Variants in TLL1 observed in about 807,000 individuals in gnomAD.
TLL1 encodes the protein tolloid like 1.
Under a neutral mutation model 128.2 loss-of-function variants are expected in TLL1, and 49 were observed. The observed-to-expected ratio is 0.38, with a 90% CI of 0.30 to 0.48. The LOEUF is 0.48. TLL1 is among the 20% of genes least tolerant of loss of function. The pLI, the probability that TLL1 is intolerant of heterozygous loss-of-function variation, is 0.96. For synonymous variants in TLL1, 454 were observed against 418.8 expected, an observed-to-expected ratio of 1.08 and a Z score of -1.03; for missense variants, 1,123 against 1,242.0, an observed-to-expected ratio of 0.90 and a Z score of 1.44.
intron 15 of TLL1, among the ~76,000 whole-genome samples, chr4:166,065,012 A>C (rs1740506445): frequency 6.6e-6 from 1 of 152,190 alleles, no homozygotes; most frequent in South Asian, 2.1e-4. Context: ...TATTATGGAA[A>C]CATCTGTTAG....
chr4:165,963,608 AAAGGT>A (rs1214119922), intron 1 of TLL1, among the ~76,000 whole-genome samples: 8 of 152,198 alleles, frequency 5.3e-5, no homozygotes, highest in Admixed American at 4.6e-4. Context: ...ATTAACAAGA[AAAGGT>A]AATCCAGGGG....
At chr4:165,874,206 C>A (rs1016733296) in intron 1 of TLL1, 133 bp downstream of exon 1, 20 of 1,111,990 alleles carry the variant, frequency 1.8e-5, no homozygotes, top group Middle Eastern at 2.9e-4. Flanking sequence ...CTTCTCTCCC[C>A]CTCCTTTTCC....
At chr4:165,923,412 T>C (rs191063013) in intron 1 of TLL1, among the ~76,000 whole-genome samples, 7 of 146,722 alleles carry the variant, frequency 4.8e-5, no homozygotes, top group East Asian at 4.2e-4. Context: ...ATCGGAAATA[T>C]AGGTATACCT....
At chr4:166,063,981 A>C (rs1740459576) in intron 15 of TLL1, among the ~76,000 whole-genome samples, 1 of 151,830 alleles carries the variant, frequency 6.6e-6, no homozygotes, top group South Asian at 2.1e-4. Context: ...GTACCCTAGA[A>C]CTTAAAGTAT....
chr4:166,050,925 TCTTC>T (rs1220674157), intron 12 of TLL1, among the ~76,000 whole-genome samples: 6 of 152,238 alleles, frequency 3.9e-5, no homozygotes, highest in Non-Finnish European at 1.5e-5. Context: ...TTGTACATGT[TCTTC>T]CTTCTTTGTG....
At chr4:166,025,221 G>A in intron 8 of TLL1, 95 bp from the exon 9 acceptor site, 2 of 855,792 alleles carry the variant, frequency 2.3e-6, no homozygotes, top group Non-Finnish European at 2.0e-6. Context: ...ATTTAGTCTT[G>A]TCTACTACCA....
At chr4:166,004,537 G>T (rs1450402683) in intron 6 of TLL1, among the ~76,000 whole-genome samples, 2 of 152,052 alleles carry the variant, frequency 1.3e-5, no homozygotes, top group African/African-American at 4.8e-5. Context: ...AGTAATATAT[G>T]TTGAAAATAC....
intron 1 of TLL1, among the ~76,000 whole-genome samples, chr4:165,889,466 A>G (rs934399192): frequency 4.6e-5 from 7 of 152,210 alleles, no homozygotes; most frequent in African/African-American, 1.7e-4. Context: ...CTTTCACTTG[A>G]AAAGATTCAA....
chr4:166,088,977 G>T (rs1431604447), intron 18 of TLL1, among the ~76,000 whole-genome samples: 3 of 152,126 alleles, frequency 2.0e-5, no homozygotes, highest in African/African-American at 7.2e-5. Context: ...TCTGATTCCA[G>T]CTTTAGCCAT....
intron 2 of TLL1, 118 bp from the exon 3 acceptor site, chr4:165,992,686 A>G (rs1010867557): frequency 1.1e-6 from 1 of 898,660 alleles, no homozygotes; most frequent in African/African-American, 1.7e-5. Context: ...CATAATTTCA[A>G]CACTTTAAGA....
At position 165,931,153 on chromosome 4, in the gene TLL1, A is replaced by G. The variant is rs546244040; in HGVS notation, c.169+57080A>G. ...AAATATCATTTGTAATTTATTTCAT[A>G]GGTTTATGGACACAACAATAATTAT... On this transcript the variant is annotated intron_variant, in intron 1 of 20. Coordinates refer to ENST00000061240, the MANE Select transcript of TLL1 (RefSeq NM_012464.5). 5.4e-4 allele frequency among the ~76,000 whole-genome samples: 82 copies of G among 152,346 alleles called. No individual in the cohort carries two copies. In the South Asian group the frequency reaches 0.014, roughly 26 times the overall value.
At chr4:165,900,564 C>G (rs1235404139) in intron 1 of TLL1, among the ~76,000 whole-genome samples, 6 of 152,162 alleles carry the variant, frequency 3.9e-5, no homozygotes, top group African/African-American at 9.7e-5. Context: ...ATATTGGCCC[C>G]TACTCTCTTC....
Position 165,874,079 on chromosome 4 carries a change from T to C in TLL1, c.169+6T>C. Reference sequence around the variant, plus strand: ...CAAGGACCCGTGTAAAGCCGGTAAGTGGCTCTCCAGGTTGGGACGGTGGCG... The same window carrying C: ...CAAGGACCCGTGTAAAGCCGGTAAGCGGCTCTCCAGGTTGGGACGGTGGCG... On this transcript the variant is annotated splice_donor_region_variant and intron_variant, in intron 1 of 20. Transcript: ENST00000061240. 6.2e-7 allele frequency: 1 copy of C among 1,614,038 alleles called. No homozygotes were observed.
intron 12 of TLL1, among the ~76,000 whole-genome samples, chr4:166,053,754 A>G (rs1170553508): frequency 6.6e-6 from 1 of 152,164 alleles, no homozygotes; most frequent in Non-Finnish European, 1.5e-5. Context: ...CACTAGTAAC[A>G]GAGTTCCATA....
At chr4:165,960,231 T>C (rs984759197) in intron 1 of TLL1, among the ~76,000 whole-genome samples, 13 of 151,980 alleles carry the variant, frequency 8.6e-5, no homozygotes, top group African/African-American at 3.1e-4. Flanking sequence ...GAAAATGTAG[T>C]GGAAACACAC....
At chr4:165,959,827 G>A (rs1406335891) in intron 1 of TLL1, among the ~76,000 whole-genome samples, 4 of 152,160 alleles carry the variant, frequency 2.6e-5, no homozygotes, top group African/African-American at 9.6e-5. Context: ...AAATCTTTGG[G>A]ATGCAGCAAA....
At chr4:166,093,685 C>T (rs952850534) in intron 19 of TLL1, among the ~76,000 whole-genome samples, 12 of 152,124 alleles carry the variant, frequency 7.9e-5, no homozygotes, top group African/African-American at 1.9e-4. Flanking sequence ...TCTCATCCCA[C>T]GATGCCATAT....
chr4:165,924,095 A>G (rs10026564), intron 1 of TLL1, among the ~76,000 whole-genome samples: 27,602 of 152,032 alleles, frequency 0.18, 3,678 homozygotes, highest in East Asian at 0.41. Flanking sequence ...GGTTCTTTCT[A>G]TTCCATGAGA....
intron 19 of TLL1, among the ~76,000 whole-genome samples, chr4:166,095,481 GA>G (rs1741977569): frequency 6.6e-6 from 1 of 151,936 alleles, no homozygotes; most frequent in South Asian, 2.1e-4. Flanking sequence ...GAGAAACATG[GA>G]GAGAAAATAA....
Sources: gnomAD v4.1 joint callset for allele counts (sites outside exome capture counted in the v4.1 genomes callset) on GRCh38, gnomAD v4.1.1 for gene constraint, MANE v1.5 for transcripts, NCBI Gene and HGNC (gene_info 2026-07-23, HGNC 2026-07-21) for gene names.